Variants in SLC44A3 observed in about 807,000 individuals in gnomAD.
The protein encoded by SLC44A3 is solute carrier family 44 member 3, also known as choline transporter-like protein 3.
Under a neutral mutation model 75.4 loss-of-function variants are expected in SLC44A3, and 74 were observed. The ratio of observed to expected loss-of-function variants is 0.98; its 90% CI spans 0.81 to 1.19. The LOEUF (loss-of-function observed/expected upper bound fraction) is 1.19, where lower values mean the gene tolerates loss of function less well. Among genes scored for constraint, SLC44A3 ranks in the 50% most tolerant of loss-of-function variants. The pLI, the probability that SLC44A3 is intolerant of heterozygous loss-of-function variation, is 0.00. For synonymous variants in SLC44A3, 310 were observed against 296.9 expected (o/e 1.04, Z -0.45); for missense variants, 700 against 778.6 (o/e 0.90, Z 1.20).
At chr1:94,863,592 A>G (rs1666840621) in intron 10 of SLC44A3, among the ~76,000 whole-genome samples, 3 of 152,232 alleles carry the variant, frequency 2.0e-5, no homozygotes, top group Admixed American at 2.0e-4. Flanking sequence ...TTCCTGGCCT[A>G]CACTACTCTT....
Position 94,878,645 on chromosome 1 carries a change from T to G in SLC44A3, c.1482+11228T>G, listed in dbSNP as rs775233103. Among the ~76,000 whole-genome samples the G allele has an allele frequency of 8.2e-4, 125 of 152,324 alleles. 1 individual carries two copies. The highest frequency in any genetic ancestry group is 3.0e-3 in the African/African-American group (123 of 41,574). On this transcript the variant is annotated intron_variant, in intron 12 of 14. Coordinates refer to ENST00000271227, the MANE Select transcript of SLC44A3 (RefSeq NM_001114106.3). ...TGGGAGGGACAGATAGTCTTTGAGG[T>G]TCAGAAAGAAAATATCTGTCACGCT...
At chr1:94,820,517 C>T in intron 1 of SLC44A3, 39 bp downstream of exon 1, 2 of 1,485,962 alleles carry the variant, frequency 1.3e-6, no homozygotes, top group African/African-American at 1.4e-5. Context: ...GGAGGAGCCC[C>T]GGGGAAGGGT....
intron 14 of SLC44A3, among the ~76,000 whole-genome samples, chr1:94,894,223 T>C (rs752643458): frequency 9.9e-5 from 15 of 152,196 alleles, no homozygotes; most frequent in South Asian, 2.1e-4. Context: ...ATGGCTATCA[T>C]TGGGACTCAG....
intron 2 of SLC44A3, among the ~76,000 whole-genome samples, chr1:94,823,995 T>C (rs1302549396): frequency 6.6e-6 from 1 of 152,108 alleles, no homozygotes; most frequent in African/African-American, 2.4e-5. Context: ...TCCAAAACAC[T>C]ATTTGCAGAT....
chr1:94,832,564 T>G (rs919797159), intron 5 of SLC44A3, among the ~76,000 whole-genome samples: 9 of 152,310 alleles, frequency 5.9e-5, no homozygotes, highest in Admixed American at 5.9e-4. Context: ...TGGGACTAGT[T>G]TTTTCTGCCC....
rs1402524206 is a variant in SLC44A3 at position 94,892,519 on chromosome 1, T to A, written c.1857+2T>A. On this transcript the variant is annotated splice_donor_variant, in intron 14 of 14. Transcript: ENST00000271227. LOFTEE classifies it high-confidence loss of function. ...TACTTTATGGATCAAGAATTTCTGGTAAGCAAACATTTCATTTCCAATTGC... is the reference window on the plus strand; with the variant it reads ...TACTTTATGGATCAAGAATTTCTGGAAAGCAAACATTTCATTTCCAATTGC... The A allele has an allele frequency of 1.2e-6, 2 of 1,612,574 alleles. No individual in the cohort carries two copies. Among genetic ancestry groups the A allele is most frequent in the African/African-American group, 2.7e-5 (2 of 74,824 alleles).
chr1:94,885,530 A>T (rs1405911731), intron 12 of SLC44A3, among the ~76,000 whole-genome samples: 6 of 152,230 alleles, frequency 3.9e-5, no homozygotes, highest in Non-Finnish European at 7.3e-5. Flanking sequence ...GCTGTTTTCA[A>T]TGGTGCATCT....
intron 12 of SLC44A3, among the ~76,000 whole-genome samples, chr1:94,885,940 C>A (rs1669538415): frequency 6.6e-6 from 1 of 152,204 alleles, no homozygotes; most frequent in African/African-American, 2.4e-5. Context: ...TTGTAGCTAT[C>A]ATTAGGTCTG....
chr1:94,820,403 A>T lies in SLC44A3; in HGVS notation c.-49A>T. 1 of 1,439,642 alleles carries T rather than the reference A, an allele frequency of 6.9e-7. No individual in the cohort carries two copies. The highest frequency in any genetic ancestry group is 9.1e-7 in the Non-Finnish European group (1 of 1,099,482). The allele number at this position is 1,439,642 out of a possible 1,614,324, so 89.2% of individuals were successfully genotyped here. A position where few individuals can be genotyped will look rare whatever the true frequency, so the allele number is the denominator to read the frequency against. ...TCGCGGGCGCTGCGTCTCCGCGTAC[A>T]GGAGGCGGCGGCGGCTCCCAGTCAC... On this transcript the variant is annotated 5_prime_UTR_variant, in exon 1 of 15. Coordinates refer to ENST00000271227, the MANE Select transcript of SLC44A3 (RefSeq NM_001114106.3).
intron 12 of SLC44A3, among the ~76,000 whole-genome samples, chr1:94,886,547 G>T (rs536143707): frequency 6.6e-6 from 1 of 152,176 alleles, no homozygotes; most frequent in Admixed American, 6.5e-5. Context: ...CAACACTGGG[G>T]CCAGCTCGTA....
At chr1:94,848,673 G>A (rs767617171) in intron 9 of SLC44A3, among the ~76,000 whole-genome samples, 3 of 152,102 alleles carry the variant, frequency 2.0e-5, no homozygotes, top group African/African-American at 4.8e-5. Context: ...CGCTGAGCAC[G>A]GCACTAGGGA....
intron 10 of SLC44A3, among the ~76,000 whole-genome samples, chr1:94,859,140 G>A (rs1292295366): frequency 1.3e-5 from 2 of 152,182 alleles, no homozygotes; most frequent in African/African-American, 4.8e-5. Context: ...CCAGGTAGGG[G>A]AGCAAAGAGA....
At chr1:94,894,730 A>G in intron 14 of SLC44A3, 88 bp from the exon 15 acceptor site, 5 of 1,045,466 alleles carry the variant, frequency 4.8e-6, no homozygotes, top group Non-Finnish European at 7.1e-6. Context: ...AAACCGTCAG[A>G]GGGCAAAGGA....
At chr1:94,840,283 C>CTTTTTTTTTT (rs56383271) in intron 7 of SLC44A3, among the ~76,000 whole-genome samples, 13 of 77,360 alleles carry the variant, frequency 1.7e-4, no homozygotes, top group East Asian at 4.5e-4. Flanking sequence ...TTTCTTTTTC[C>CTTTTTTTTTT]TTTTTTTTTT....
chr1:94,827,275 T>G (rs1661499158), intron 3 of SLC44A3, among the ~76,000 whole-genome samples: 1 of 152,222 alleles, frequency 6.6e-6, no homozygotes, highest in Non-Finnish European at 1.5e-5. Flanking sequence ...TAGACAACAC[T>G]AAATCTGGAG....
At chr1:94,825,877 C>G (rs768771317) in intron 3 of SLC44A3, 1 of 456,252 alleles carries the variant, frequency 2.2e-6, no homozygotes, top group Non-Finnish European at 4.4e-6. Flanking sequence ...GACTTAGATG[C>G]CCATGTGCTC....
chr1:94,894,568 C>T (rs893031151), intron 14 of SLC44A3, among the ~76,000 whole-genome samples: 1 of 151,516 alleles, frequency 6.6e-6, no homozygotes, highest in Admixed American at 6.6e-5. Flanking sequence ...AGTAATTCAC[C>T]ACCCCCATAA....
intron 12 of SLC44A3, among the ~76,000 whole-genome samples, chr1:94,889,559 T>C (rs955792689): frequency 1.0e-5 from 1 of 95,854 alleles, no homozygotes. Flanking sequence ...CACACATTTG[T>C]AGTCTTTGAT....
chr1:94,893,628 G>A (rs185512968), intron 14 of SLC44A3, among the ~76,000 whole-genome samples: 6 of 151,908 alleles, frequency 3.9e-5, no homozygotes, highest in East Asian at 1.9e-4. Context: ...CATCTGCCTC[G>A]GCCTCCCACA....
Sources: allele counts gnomAD v4.1 joint callset (sites outside exome capture counted in the v4.1 genomes callset), GRCh38; gene constraint gnomAD v4.1.1; transcripts MANE v1.5; gene names NCBI Gene and HGNC (gene_info 2026-07-23, HGNC 2026-07-21).